Variants in PTPRK observed in about 807,000 individuals in gnomAD.
PTPRK encodes the protein protein tyrosine phosphatase receptor type K.
PTPRK carries 75 observed loss-of-function variants against 178.0 expected under a neutral mutation model. That is an observed-to-expected ratio of 0.42 (90% CI 0.35 to 0.51). The LOEUF (loss-of-function observed/expected upper bound fraction) is 0.51. Ranked by LOEUF, PTPRK falls within the 20% of genes least tolerant of loss-of-function variation. The pLI is 0.02. For missense variants in PTPRK, 1,441 were observed against 1,797.8 expected (o/e 0.80, Z 3.59); for synonymous variants, 637 against 620.6 (o/e 1.03, Z -0.39).
chr6:127,990,593 G>A (rs189761439), intron 21 of PTPRK, among the ~76,000 whole-genome samples, 176 bp downstream of exon 21: 2 of 152,012 alleles, frequency 1.3e-5, no homozygotes, highest in East Asian at 1.9e-4. Flanking sequence ...ATTTTAACAT[G>A]TGTCCCAAGG....
At chr6:128,302,855 C>A (rs1330537978) in intron 3 of PTPRK, among the ~76,000 whole-genome samples, 2 of 152,026 alleles carry the variant, frequency 1.3e-5, no homozygotes, top group South Asian at 2.1e-4. Context: ...TTTCTCCTAA[C>A]CCTTAAATAT....
At chr6:128,146,855 T>C (rs1480401057) in intron 7 of PTPRK, among the ~76,000 whole-genome samples, 2 of 152,186 alleles carry the variant, frequency 1.3e-5, no homozygotes, top group East Asian at 3.9e-4. Context: ...TACTTTAAAA[T>C]CATTCTGTGG....
chr6:128,108,414 T>C (rs959821123), intron 7 of PTPRK, among the ~76,000 whole-genome samples: 2 of 152,144 alleles, frequency 1.3e-5, no homozygotes, highest in African/African-American at 4.8e-5. Context: ...GCTTTATATA[T>C]ATTATTTCAT....
intron 6 of PTPRK, among the ~76,000 whole-genome samples, chr6:128,212,860 T>G (rs1211119851): frequency 6.6e-6 from 1 of 151,988 alleles, no homozygotes; most frequent in Non-Finnish European, 1.5e-5. Context: ...AAAAAATCAA[T>G]CTGACAAACA....
intron 1 of PTPRK, among the ~76,000 whole-genome samples, chr6:128,436,002 ATAT>A (rs755820979): frequency 6.5e-4 from 23 of 35,200 alleles, no homozygotes; most frequent in Non-Finnish European, 1.5e-3. Flanking sequence ...AAAAAAAAAT[ATAT>A]ATATATATAT....
chr6:128,306,077 G>C (rs926839333), intron 3 of PTPRK, among the ~76,000 whole-genome samples: 1 of 152,146 alleles, frequency 6.6e-6, no homozygotes, highest in Non-Finnish European at 1.5e-5. Flanking sequence ...ACAGCGTGGG[G>C]GAAACCATCC....
intron 2 of PTPRK, among the ~76,000 whole-genome samples, chr6:128,395,405 T>C (rs536228523): frequency 8.5e-5 from 13 of 152,216 alleles, no homozygotes; most frequent in Non-Finnish European, 1.8e-4. Flanking sequence ...AACCACCGAT[T>C]AAGCTGTTCA....
At chr6:128,044,083 A>C (rs1777642162) in intron 13 of PTPRK, among the ~76,000 whole-genome samples, 1 of 152,000 alleles carries the variant, frequency 6.6e-6, no homozygotes, top group Admixed American at 6.6e-5. Flanking sequence ...TACTATATCA[A>C]ATCCAACATT....
At chr6:128,184,976 G>A (rs1377044154) in intron 6 of PTPRK, among the ~76,000 whole-genome samples, 1 of 151,998 alleles carries the variant, frequency 6.6e-6, no homozygotes, top group Non-Finnish European at 1.5e-5. Flanking sequence ...AGATCAACTT[G>A]TAAAGTCACA....
intron 2 of PTPRK, among the ~76,000 whole-genome samples, chr6:128,366,319 G>A (rs578124504): frequency 1.3e-5 from 2 of 152,226 alleles, no homozygotes; most frequent in Non-Finnish European, 2.9e-5. Flanking sequence ...TACAACAGAT[G>A]TAATTAAAAC....
intron 22 of PTPRK, among the ~76,000 whole-genome samples, chr6:127,985,289 A>G (rs1415334320): frequency 6.6e-6 from 1 of 152,194 alleles, no homozygotes; most frequent in Non-Finnish European, 1.5e-5. Context: ...GCTGTTTTGC[A>G]GCACAAATCC....
chr6:128,003,193 TCACCTAACA>T (rs1449408499), intron 15 of PTPRK: 3 of 1,601,656 alleles, frequency 1.9e-6, no homozygotes, highest in Admixed American at 1.7e-5. Flanking sequence ...ATTTAGGGCC[TCACCTAACA>T]CAGCAGTCGG....
intron 1 of PTPRK, among the ~76,000 whole-genome samples, chr6:128,474,317 A>G (rs1384342560): frequency 6.6e-6 from 1 of 152,102 alleles, no homozygotes; most frequent in East Asian, 1.9e-4. Context: ...TGAAAGAAAC[A>G]TCAGAAACTG....
intron 3 of PTPRK, among the ~76,000 whole-genome samples, chr6:128,317,449 A>T (rs554339542): frequency 6.6e-6 from 1 of 152,182 alleles, no homozygotes; most frequent in Non-Finnish European, 1.5e-5. Context: ...ATTGAAAAAA[A>T]AAAACTGCTT....
At chr6:128,002,725 A>C (rs371572736) in intron 15 of PTPRK, among the ~76,000 whole-genome samples, 23 of 151,978 alleles carry the variant, frequency 1.5e-4, no homozygotes, top group African/African-American at 5.6e-4. Context: ...ACATTAAAAC[A>C]TTCTTAATAA....
chr6:128,437,560 A>T (rs1216459125), intron 1 of PTPRK, among the ~76,000 whole-genome samples: 1 of 152,226 alleles, frequency 6.6e-6, no homozygotes, highest in Admixed American at 6.5e-5. Flanking sequence ...AAATAAAAAT[A>T]AATTACATAA....
chr6:128,053,690 A>G (rs2114884355), intron 13 of PTPRK, among the ~76,000 whole-genome samples: 1 of 152,224 alleles, frequency 6.6e-6, no homozygotes, highest in East Asian at 1.9e-4. Flanking sequence ...CGTCCCCATG[A>G]AGACAAGCTT....
intron 7 of PTPRK, among the ~76,000 whole-genome samples, chr6:128,120,965 G>A (rs1792360891): frequency 6.6e-6 from 1 of 151,662 alleles, no homozygotes; most frequent in South Asian, 2.1e-4. Context: ...AATTGGAAGA[G>A]AAAAAAATAA....
intron 1 of PTPRK, among the ~76,000 whole-genome samples, chr6:128,428,216 C>T (rs1012633738): frequency 6.6e-6 from 1 of 152,180 alleles, no homozygotes; most frequent in Admixed American, 6.5e-5. Context: ...TGGAGTTACT[C>T]ACTCAGCGAT....
Sources: allele counts gnomAD v4.1 joint callset (sites outside exome capture counted in the v4.1 genomes callset), GRCh38; gene constraint gnomAD v4.1.1; transcripts MANE v1.5; gene names NCBI Gene and HGNC (gene_info 2026-07-23, HGNC 2026-07-21).